Variants in CADPS2 observed in about 807,000 individuals in gnomAD.
CADPS2 encodes the protein calcium-dependent secretion activator 2.
Under a neutral mutation model 172.5 loss-of-function variants are expected in CADPS2, and 93 were observed. That is an observed-to-expected ratio of 0.54 (90% CI 0.46 to 0.64). The LOEUF (loss-of-function observed/expected upper bound fraction) is 0.64, where lower values mean the gene tolerates loss of function less well. Among genes scored for constraint, CADPS2 ranks in the 30% least tolerant of loss-of-function variants. The probability of loss-of-function intolerance (pLI) is 0.00; values close to 1 mark genes in which losing one functional copy is unlikely to be tolerated. For missense variants in CADPS2, 1,420 were observed against 1,565.9 expected (o/e 0.91, Z 1.57); for synonymous variants, 546 against 555.2 (o/e 0.98, Z 0.23).
chr7:122,629,365 C>G, intron 3 of CADPS2, 37 bp from the exon 4 acceptor site: 1 of 1,532,556 alleles, frequency 6.5e-7, no homozygotes, highest in Admixed American at 1.9e-5. Flanking sequence ...TATGTAATTA[C>G]TTAATCTATA....
intron 10 of CADPS2, 57 bp downstream of exon 10, chr7:122,491,255 T>C: frequency 1.8e-6 from 2 of 1,117,328 alleles, no homozygotes; most frequent in South Asian, 3.0e-5. Flanking sequence ...CAAAGGATAT[T>C]TATAAGAATT....
At chr7:122,840,263 A>G (rs1810036211) in intron 1 of CADPS2, among the ~76,000 whole-genome samples, 1 of 152,030 alleles carries the variant, frequency 6.6e-6, no homozygotes, top group South Asian at 2.1e-4. Flanking sequence ...GGAACATCAC[A>G]CACCAGGGCC....
chr7:122,885,753 T>C (rs577909582), intron 1 of CADPS2, among the ~76,000 whole-genome samples: 1 of 152,196 alleles, frequency 6.6e-6, no homozygotes, highest in East Asian at 2.0e-4. Flanking sequence ...TCGGTCTCTG[T>C]CTCACGGATG....
At chr7:122,819,024 T>C (rs181407944) in intron 1 of CADPS2, among the ~76,000 whole-genome samples, 25 of 152,256 alleles carry the variant, frequency 1.6e-4, no homozygotes, top group Non-Finnish European at 3.4e-4. Flanking sequence ...CACAACAGGA[T>C]TTAATTAACC....
intron 28 of CADPS2, among the ~76,000 whole-genome samples, chr7:122,338,232 A>C (rs1347220820): frequency 6.6e-6 from 1 of 152,180 alleles, no homozygotes; most frequent in African/African-American, 2.4e-5. Flanking sequence ...CCCTGTCTCC[A>C]CTAAAGTACA....
At chr7:122,395,792 C>T (rs562966809) in intron 20 of CADPS2, among the ~76,000 whole-genome samples, 9 of 151,588 alleles carry the variant, frequency 5.9e-5, no homozygotes, top group East Asian at 3.9e-4. Context: ...AGAAACTCTA[C>T]GAGGGAGGAT....
intron 18 of CADPS2, among the ~76,000 whole-genome samples, chr7:122,415,558 T>C (rs1201692967): frequency 6.8e-6 from 1 of 147,280 alleles, no homozygotes; most frequent in African/African-American, 2.5e-5. Context: ...TTTCCTTTGT[T>C]ACTGCAGTCT....
chr7:122,360,457 T>C (rs780553001), intron 27 of CADPS2, among the ~76,000 whole-genome samples: 18 of 152,206 alleles, frequency 1.2e-4, no homozygotes, highest in Non-Finnish European at 1.0e-4. Context: ...ACAGCTTTCA[T>C]AGAAAGGGGA....
At chr7:122,752,989 A>G (rs2093012364) in intron 1 of CADPS2, among the ~76,000 whole-genome samples, 1 of 152,180 alleles carries the variant, frequency 6.6e-6, no homozygotes, top group Non-Finnish European at 1.5e-5. Flanking sequence ...AGATGCTGAG[A>G]TTGGAAATTC....
chr7:122,624,402 A>G (rs1178716870), intron 4 of CADPS2, among the ~76,000 whole-genome samples: 2 of 152,144 alleles, frequency 1.3e-5, no homozygotes, highest in Non-Finnish European at 2.9e-5. Context: ...AAATATAGTC[A>G]CTTTTTCTTA....
At chr7:122,849,743 G>C in intron 1 of CADPS2, 1 of 410,232 alleles carries the variant, frequency 2.4e-6, no homozygotes. Flanking sequence ...CTCAGTAGAA[G>C]CTCCAACAAT....
At chr7:122,388,776 CGTTA>C in intron 22 of CADPS2, 38 bp from the exon 23 acceptor site, 2 of 1,555,076 alleles carry the variant, frequency 1.3e-6, no homozygotes, top group South Asian at 1.2e-5. Context: ...ATGAACTCCC[CGTTA>C]ATTAGGTATA....
intron 2 of CADPS2, among the ~76,000 whole-genome samples, chr7:122,673,713 C>T (rs547660502): frequency 6.6e-6 from 1 of 152,364 alleles, no homozygotes; most frequent in Non-Finnish European, 1.5e-5. Flanking sequence ...TAAAAGTTCT[C>T]CAAGTCCCCA....
intron 15 of CADPS2, among the ~76,000 whole-genome samples, chr7:122,447,702 C>T (rs1320712968): frequency 6.6e-6 from 1 of 151,528 alleles, no homozygotes; most frequent in Non-Finnish European, 1.5e-5. Context: ...TACAGGAGCT[C>T]ACCACCATGA....
At chr7:122,477,740 T>C (rs927647462) in intron 12 of CADPS2, among the ~76,000 whole-genome samples, 1 of 152,176 alleles carries the variant, frequency 6.6e-6, no homozygotes, top group African/African-American at 2.4e-5. Context: ...ATGGTTACAA[T>C]ACAGATGCAA....
chr7:122,511,981 T>C (rs894650165), intron 9 of CADPS2, among the ~76,000 whole-genome samples: 2 of 152,116 alleles, frequency 1.3e-5, no homozygotes, highest in Non-Finnish European at 2.9e-5. Context: ...TCAAAGCAAA[T>C]GCTAGGGCTC....
intron 1 of CADPS2, among the ~76,000 whole-genome samples, chr7:122,738,101 T>C (rs1385411602): frequency 1.3e-5 from 2 of 152,254 alleles, no homozygotes; most frequent in Admixed American, 1.3e-4. Flanking sequence ...CAAGGGTCCT[T>C]ACCCTGGGTC....
At chr7:122,341,191 T>C (rs748128976) in intron 28 of CADPS2, among the ~76,000 whole-genome samples, 2 of 152,246 alleles carry the variant, frequency 1.3e-5, no homozygotes, top group Non-Finnish European at 2.9e-5. Context: ...CACAATGTCA[T>C]ATGGCATAGC....
intron 1 of CADPS2, among the ~76,000 whole-genome samples, chr7:122,775,720 T>C (rs1251862201): frequency 1.3e-5 from 2 of 152,204 alleles, no homozygotes; most frequent in Non-Finnish European, 1.5e-5. Context: ...ATGGTTTTAA[T>C]TTCCAATCCC....
Sources: gnomAD v4.1 joint callset for allele counts (sites outside exome capture counted in the v4.1 genomes callset) on GRCh38, gnomAD v4.1.1 for gene constraint, MANE v1.5 for transcripts, NCBI Gene and HGNC (gene_info 2026-07-23, HGNC 2026-07-21) for gene names.